The following TRHDE variants were observed in gnomAD, a reference collection of about 807,000 sequenced individuals.
TRHDE encodes thyrotropin-releasing hormone-degrading ectoenzyme.
A neutral mutation model predicts 125.7 loss-of-function variants in TRHDE; 72 were observed. The observed-to-expected ratio is 0.57, with a 90% CI of 0.47 to 0.70. The LOEUF is 0.70. Among genes scored for constraint, TRHDE ranks in the 30% least tolerant of loss-of-function variants. The pLI is 0.00. For missense variants in TRHDE, 1,110 were observed against 1,327.1 expected (o/e 0.84, Z 2.54); for synonymous variants, 509 against 509.1 (o/e 1.00, Z 0.00).
chr12:72,166,318 TAC>T (rs149341584), intron 2 of TRHDE, among the ~76,000 whole-genome samples: 5,390 of 151,928 alleles, frequency 0.035, 177 homozygotes, highest in African/African-American at 0.083. Context: ...TATATATATA[TAC>T]ACACACACAC....
intron 15 of TRHDE, among the ~76,000 whole-genome samples, chr12:72,647,830 T>C (rs1256536271): frequency 6.6e-6 from 1 of 152,116 alleles, no homozygotes; most frequent in Non-Finnish European, 1.5e-5. Flanking sequence ...CACTGAAAGG[T>C]GAATTCTACC....
intron 2 of TRHDE, among the ~76,000 whole-genome samples, chr12:72,347,397 A>C (rs1364319941): frequency 1.3e-5 from 2 of 152,134 alleles, no homozygotes; most frequent in African/African-American, 4.8e-5. Flanking sequence ...TACATTATCC[A>C]TTACTGTGTA....
chr12:72,399,019 C>G (rs1043163364), intron 3 of TRHDE, among the ~76,000 whole-genome samples: 92 of 152,214 alleles, frequency 6.0e-4, no homozygotes, highest in African/African-American at 2.2e-3. Context: ...AGCTCTGCCT[C>G]CTCTCAGATC....
intron 6 of TRHDE, among the ~76,000 whole-genome samples, chr12:72,510,753 T>C (rs1878549822): frequency 6.6e-6 from 1 of 152,156 alleles, no homozygotes; most frequent in Non-Finnish European, 1.5e-5. Flanking sequence ...CTGGTTATGA[T>C]CATCTCATAA....
At chr12:72,253,750 G>A (rs1329648725) in intron 2 of TRHDE, 1 of 152,104 alleles carries the variant, frequency 6.6e-6, no homozygotes, top group Non-Finnish European at 1.5e-5. Context: ...AATTACAAAT[G>A]AATATTGGAT....
intron 2 of TRHDE, among the ~76,000 whole-genome samples, chr12:72,320,706 G>C (rs998215607): frequency 1.3e-5 from 2 of 152,178 alleles, no homozygotes; most frequent in Non-Finnish European, 2.9e-5. Flanking sequence ...AATGCAATAT[G>C]TGATAAAATA....
intron 7 of TRHDE, among the ~76,000 whole-genome samples, chr12:72,561,398 T>C (rs1406973812): frequency 6.6e-6 from 1 of 152,222 alleles, no homozygotes. Context: ...ACTATTTTCA[T>C]ATTCATATTT....
In TRHDE at chr12:72,666,427, C is replaced by CTA. The variant is rs1274244476; in HGVS notation, c.*3232_*3233insTA. The CTA allele has an allele frequency of 1.3e-5, 2 of 152,028 alleles. No homozygotes were observed. The highest frequency in any genetic ancestry group is 2.9e-5 in the Non-Finnish European group (2 of 68,024). The allele number at this position is 152,028 out of a possible 1,614,324, so 9.4% of individuals were successfully genotyped here. ...AACTAGCCAGGCATGGTGGTGTGCACCTGTTGTCCCAGCTACTGGGGAGGC... is the reference window on the plus strand; with the variant it reads ...AACTAGCCAGGCATGGTGGTGTGCACTACTGTTGTCCCAGCTACTGGGGAGGC... On this transcript the variant is annotated 3_prime_UTR_variant, in exon 19 of 19. Coordinates refer to ENST00000261180, the MANE Select transcript of TRHDE (RefSeq NM_013381.3).
chr12:72,582,667 G>A lies in TRHDE; in HGVS notation c.2321+7125G>A, dbSNP rs930940061. 5 of 949,630 alleles carry A rather than the reference G, an allele frequency of 5.3e-6. 1 individual carries two copies. The highest frequency in any genetic ancestry group is 9.7e-5 in the South Asian group (2 of 20,586). 58.8% of individuals were successfully genotyped at this position (949,630 alleles called of 1,614,324 possible). A position where few individuals can be genotyped will look rare whatever the true frequency, so the allele number is the denominator to read the frequency against. On this transcript the variant is annotated intron_variant, in intron 12 of 18. Transcript: ENST00000261180. ...TTGTTTAAATGTGTAATGTGCTAACGTTTCAAAAATGAAATTGAGAAGGAA... is the reference window on the plus strand; with the variant it reads ...TTGTTTAAATGTGTAATGTGCTAACATTTCAAAAATGAAATTGAGAAGGAA...
At chr12:72,338,512 G>T (rs1480206379) in intron 2 of TRHDE, among the ~76,000 whole-genome samples, 1 of 152,162 alleles carries the variant, frequency 6.6e-6, no homozygotes, top group Non-Finnish European at 1.5e-5. Flanking sequence ...TTTGCCAAAA[G>T]GAGTTAGAGT....
At chr12:72,448,948 A>T (rs1565745727) in intron 3 of TRHDE, among the ~76,000 whole-genome samples, 1 of 152,006 alleles carries the variant, frequency 6.6e-6, no homozygotes, top group Admixed American at 6.6e-5. Flanking sequence ...TTGTAATGCC[A>T]CTTTACCACC....
At chr12:72,633,534 G>A (rs2136088813) in intron 15 of TRHDE, among the ~76,000 whole-genome samples, 1 of 152,120 alleles carries the variant, frequency 6.6e-6, no homozygotes, top group East Asian at 1.9e-4. Flanking sequence ...ATGCTGTTTA[G>A]GCACAAGTGA....
chr12:72,333,209 C>G (rs1443843807), intron 2 of TRHDE, among the ~76,000 whole-genome samples: 1 of 152,166 alleles, frequency 6.6e-6, no homozygotes, highest in Non-Finnish European at 1.5e-5. Flanking sequence ...CCAGTGAAGA[C>G]TGACAGATTG....
intron 2 of TRHDE, among the ~76,000 whole-genome samples, chr12:72,154,796 A>G (rs1876463244): frequency 6.6e-6 from 1 of 152,204 alleles, no homozygotes; most frequent in Non-Finnish European, 1.5e-5. Context: ...CTTGTGGGTA[A>G]CCCAGCCTTT....
chr12:72,107,899 T>A (rs1262654272), intron 2 of TRHDE, among the ~76,000 whole-genome samples: 1 of 152,146 alleles, frequency 6.6e-6, no homozygotes, highest in East Asian at 1.9e-4. Context: ...CACATGTTGG[T>A]TTAAAGGACT....
Position 72,618,889 on chromosome 12 carries a change from A to G in TRHDE, c.2322-2A>G. 1 of 1,495,110 alleles carries G rather than the reference A, an allele frequency of 6.7e-7. No homozygotes were observed. Among genetic ancestry groups the G allele is most frequent in the Non-Finnish European group, 8.9e-7 (1 of 1,122,296 alleles). 92.6% of individuals were successfully genotyped at this position (1,495,110 alleles called of 1,614,324 possible). On this transcript the variant is annotated splice_acceptor_variant, in intron 12 of 18. Transcript: ENST00000261180. LOFTEE classifies it high-confidence loss of function. ...TGTATCTTTTTTTTTTTTTAACTGT[A>G]GGGCTGGCTATTTGCCTCAGAATAT...
chr12:72,189,487 T>C (rs747380780), intron 2 of TRHDE, among the ~76,000 whole-genome samples: 1 of 152,210 alleles, frequency 6.6e-6, no homozygotes, highest in Non-Finnish European at 1.5e-5. Flanking sequence ...AGAACTACTT[T>C]AGTGTTATTA....
intron 2 of TRHDE, among the ~76,000 whole-genome samples, chr12:72,261,902 T>C (rs1394237511): frequency 6.6e-6 from 1 of 152,224 alleles, no homozygotes; most frequent in Non-Finnish European, 1.5e-5. Flanking sequence ...TCTGTGTCTC[T>C]TCAATTTGTA....
At chr12:72,374,632 A>G (rs1437875088) in intron 2 of TRHDE, among the ~76,000 whole-genome samples, 1 of 152,116 alleles carries the variant, frequency 6.6e-6, no homozygotes, top group Non-Finnish European at 1.5e-5. Flanking sequence ...AGTGAGATAG[A>G]TAGAAAAGTA....
Sources: gnomAD v4.1 joint callset for allele counts (sites outside exome capture counted in the v4.1 genomes callset) on GRCh38, gnomAD v4.1.1 for gene constraint, MANE v1.5 for transcripts, NCBI Gene and HGNC (gene_info 2026-07-23, HGNC 2026-07-21) for gene names.